CABCOCO1: variants seen among roughly 807,000 people sequenced by gnomAD.
CABCOCO1 encodes the protein ciliary-associated calcium-binding coiled-coil protein 1.
A neutral mutation model predicts 35.7 loss-of-function variants in CABCOCO1; 28 were observed. That is an observed-to-expected ratio of 0.78 (90% CI 0.58 to 1.07). The LOEUF is 1.07. CABCOCO1 is among the 50% of genes least tolerant of loss of function. The pLI is 0.00. For synonymous variants in CABCOCO1, 95 were observed against 100.1 expected (o/e 0.95, Z 0.30); for missense variants, 326 against 309.2 (o/e 1.05, Z -0.41).
chr10:61,744,540 C>T (rs981841641), intron 5 of CABCOCO1, among the ~76,000 whole-genome samples: 1 of 152,102 alleles, frequency 6.6e-6, no homozygotes, highest in Non-Finnish European at 1.5e-5. Context: ...ACCCATTTGA[C>T]CTAATATATC....
In CABCOCO1 at chr10:61,686,556, A is replaced by G. The variant is rs534491400; in HGVS notation, c.479+371A>G. Among the ~76,000 whole-genome samples, 3 of 152,288 alleles carry G rather than the reference A, an allele frequency of 2.0e-5. No homozygotes were observed. In the East Asian group the frequency reaches 5.8e-4, roughly 29 times the overall value. On this transcript the variant is annotated intron_variant, in intron 4 of 7. Transcript: ENST00000648843. ...ATCAGCTGCAATTATAATAGACTCT[A>G]TGTTTTAGGTAGTTGATCTTTCCAA... is the stretch of plus-strand genomic sequence containing the variant.
At chr10:61,710,583 C>T (rs1589134968) in intron 5 of CABCOCO1, among the ~76,000 whole-genome samples, 1 of 151,866 alleles carries the variant, frequency 6.6e-6, no homozygotes, top group Non-Finnish European at 1.5e-5. Context: ...CTGGTTTCAG[C>T]TCTGATGGAC....
chr10:61,680,248 G>A (rs1218897788), intron 2 of CABCOCO1, among the ~76,000 whole-genome samples: 1 of 148,976 alleles, frequency 6.7e-6, no homozygotes, highest in Non-Finnish European at 1.5e-5. Context: ...AGAGGCAGCG[G>A]TTGCAGTGAG....
At chr10:61,703,751 A>G (rs1445615686) in intron 5 of CABCOCO1, among the ~76,000 whole-genome samples, 4 of 152,114 alleles carry the variant, frequency 2.6e-5, no homozygotes, top group African/African-American at 9.7e-5. Flanking sequence ...ATGCACGCAC[A>G]TAAACTCCTG....
chr10:61,763,239 C>A (rs956518174), intron 7 of CABCOCO1, among the ~76,000 whole-genome samples: 2 of 151,968 alleles, frequency 1.3e-5, no homozygotes, highest in Non-Finnish European at 2.9e-5. Flanking sequence ...TTTCAAAATT[C>A]CTTTTCTATG....
intron 5 of CABCOCO1, among the ~76,000 whole-genome samples, chr10:61,704,045 C>T (rs913877122): frequency 1.3e-5 from 2 of 151,172 alleles, no homozygotes; most frequent in African/African-American, 4.9e-5. Context: ...GTGAAACCCC[C>T]GTCTCTATTA....
At chr10:61,720,040 C>G (rs750676229) in intron 5 of CABCOCO1, among the ~76,000 whole-genome samples, 16 of 151,842 alleles carry the variant, frequency 1.1e-4, no homozygotes, top group Non-Finnish European at 2.1e-4. Flanking sequence ...ATAGGACTGC[C>G]GTCTCTGAAG....
At chr10:61,761,100 G>A (rs1589159243) in intron 7 of CABCOCO1, 97 bp downstream of exon 7, 1 of 1,292,138 alleles carries the variant, frequency 7.7e-7, no homozygotes, top group South Asian at 1.4e-5. Flanking sequence ...CTGCCAGCAT[G>A]AGCGATGCTT....
At chr10:61,724,826 G>C (rs1034049034) in intron 5 of CABCOCO1, among the ~76,000 whole-genome samples, 5 of 152,138 alleles carry the variant, frequency 3.3e-5, no homozygotes, top group African/African-American at 1.2e-4. Flanking sequence ...ACAACAGTAG[G>C]GGGGAGGGAT....
chr10:61,680,361 T>C (rs1376610208), intron 2 of CABCOCO1, among the ~76,000 whole-genome samples: 1 of 137,428 alleles, frequency 7.3e-6, no homozygotes, highest in Non-Finnish European at 1.5e-5. Context: ...ATATAATATA[T>C]ATATTTATAT....
intron 1 of CABCOCO1, among the ~76,000 whole-genome samples, chr10:61,666,639 T>C (rs551509262): frequency 6.6e-6 from 1 of 152,088 alleles, no homozygotes; most frequent in Admixed American, 6.6e-5. Flanking sequence ...GTCTTCAAAA[T>C]TTTTCTAATA....
intron 1 of CABCOCO1, among the ~76,000 whole-genome samples, chr10:61,666,955 TA>T (rs1839195323): frequency 7.1e-6 from 1 of 140,832 alleles, no homozygotes; most frequent in Admixed American, 7.5e-5. Flanking sequence ...ATATTATGTA[TA>T]AATATAATTA....
intron 5 of CABCOCO1, among the ~76,000 whole-genome samples, chr10:61,748,157 G>A (rs10761592): frequency 0.7 from 96,238 of 137,940 alleles, 31,701 homozygotes; most frequent in South Asian, 0.8. Flanking sequence ...AGGGAGATAC[G>A]GGGGAAAAAA....
At chr10:61,703,599 C>A (rs918121766) in intron 5 of CABCOCO1, among the ~76,000 whole-genome samples, 1 of 152,042 alleles carries the variant, frequency 6.6e-6, no homozygotes, top group African/African-American at 2.4e-5. Flanking sequence ...ATGCTGAATC[C>A]TCCCTCCTGT....
intron 4 of CABCOCO1, 75 bp downstream of exon 4, chr10:61,686,260 TC>T: frequency 2.3e-6 from 3 of 1,312,742 alleles, no homozygotes; most frequent in Non-Finnish European, 3.1e-6. Flanking sequence ...AAAAAGTAAT[TC>T]AGTTTTTAGC....
At chr10:61,757,468 A>G (rs1841921377) in intron 5 of CABCOCO1, among the ~76,000 whole-genome samples, 1 of 152,092 alleles carries the variant, frequency 6.6e-6, no homozygotes, top group South Asian at 2.1e-4. Flanking sequence ...GTTCACTAAT[A>G]GTATGCAAAA....
chr10:61,701,550 T>C, intron 5 of CABCOCO1: 1 of 775,698 alleles, frequency 1.3e-6, no homozygotes, highest in Non-Finnish European at 1.6e-6. Context: ...TGATATTATC[T>C]GGCCAATAGA....
chr10:61,731,559 C>T (rs1248537322), intron 5 of CABCOCO1, among the ~76,000 whole-genome samples: 1 of 151,682 alleles, frequency 6.6e-6, no homozygotes, highest in Non-Finnish European at 1.5e-5. Flanking sequence ...ACAGCAGTTG[C>T]CCCTCAAAAT....
Position 61,760,944 on chromosome 10 carries a change from A to G in CABCOCO1, c.757A>G (p.Ile253Val). 1.2e-6 allele frequency: 2 copies of G among 1,612,760 alleles called. No individual in the cohort carries two copies. Among genetic ancestry groups the G allele is most frequent in the African/African-American group, 1.3e-5 (1 of 74,932 alleles). ...SDMDPLVGFT[I>V]EDVKSVLDQV... ...CATGGATCCTTTAGTTGGTTTTACCATTGAAGATGTAAAATCAGTGCTGGA... is the reference window on the plus strand; with the variant it reads ...CATGGATCCTTTAGTTGGTTTTACCGTTGAAGATGTAAAATCAGTGCTGGA... Residue 253 changes from isoleucine (I) to valine (V), a missense_variant, in exon 7 of 8, where the codon ATT becomes GTT. Physicochemically the swap from Ile to Val is conservative, Grantham distance 29. Transcript: ENST00000648843.
Sources: gnomAD v4.1 joint callset for allele counts (sites outside exome capture counted in the v4.1 genomes callset) on GRCh38, gnomAD v4.1.1 for gene constraint, MANE v1.5 for transcripts, NCBI Gene and HGNC (gene_info 2026-07-23, HGNC 2026-07-21) for gene names.